The following RAB33A variants were observed in gnomAD, a reference collection of about 807,000 sequenced individuals.
The protein encoded by RAB33A is RAB33A, member RAS oncogene family.
RAB33A carries 6 observed loss-of-function variants against 12.0 expected under a neutral mutation model. That is an observed-to-expected ratio of 0.50 (90% CI 0.27 to 0.99). The LOEUF is 0.99. Ranked by LOEUF, RAB33A falls within the 50% of genes least tolerant of loss-of-function variation. The pLI is 0.11. For missense variants in RAB33A, 109 were observed against 192.0 expected, an observed-to-expected ratio of 0.57 and a Z score of 2.55; for synonymous variants, 70 against 82.4, an observed-to-expected ratio of 0.85 and a Z score of 0.81.
the RAB33A span, chrX:130,129,940 C>A: frequency 8.3e-7 from 1 of 1,206,713 alleles, no homozygotes; most frequent in Admixed American, 2.2e-5. Flanking sequence ...TACTTCCCAT[C>A]TTCCTCTAAG....
chrX:130,156,313 G>T, the RAB33A span: 1 of 651,429 alleles, frequency 1.5e-6, no homozygotes. Context: ...AAGATATTAG[G>T]CAGCAGGCAC....
chrX:130,114,668 G>A, the RAB33A span, among the ~76,000 whole-genome samples: 1 of 112,084 alleles, frequency 8.9e-6, no homozygotes, highest in Non-Finnish European at 1.9e-5. Flanking sequence ...GGGTGGTCTC[G>A]GGTCTCAAAA....
the RAB33A span, among the ~76,000 whole-genome samples, chrX:130,154,121 C>T: frequency 8.9e-6 from 1 of 112,430 alleles, no homozygotes; most frequent in Non-Finnish European, 1.9e-5. Flanking sequence ...ATCATTTAAC[C>T]TGGAACCACT....
chrX:130,182,191 T>C (rs1296333559), intron 1 of RAB33A, among the ~76,000 whole-genome samples: 2 of 79,533 alleles, frequency 2.5e-5, no homozygotes, highest in Admixed American at 1.5e-4. Context: ...TACACATATA[T>C]ATAACATATA....
At chrX:130,165,742 C>T in the RAB33A span, 1 of 783,186 alleles carries the variant, frequency 1.3e-6, no homozygotes, top group East Asian at 3.4e-5. Flanking sequence ...CCGGCCAGCT[C>T]CCCCAGTCTC....
chrX:130,126,007 G>A, the RAB33A span, among the ~76,000 whole-genome samples: 1 of 112,344 alleles, frequency 8.9e-6, no homozygotes, highest in Non-Finnish European at 1.9e-5. Flanking sequence ...ATCTGATACC[G>A]TTTATGAAAT....
upstream of RAB33A, chrX:130,171,895 A>ACG (rs1473413157): frequency 3.8e-5 from 20 of 525,195 alleles, no homozygotes; most frequent in South Asian, 4.3e-4. Flanking sequence ...CACCCCCTTC[A>ACG]CGCGCGCGCG....
chrX:130,136,908 G>A, the RAB33A span, among the ~76,000 whole-genome samples: 383 of 111,084 alleles, frequency 3.4e-3, 3 homozygotes, highest in African/African-American at 0.012. Flanking sequence ...AGGAATTTGG[G>A]GCATCTGATT....
At chrX:130,129,868 C>T in the RAB33A span, 1 of 1,030,684 alleles carries the variant, frequency 9.7e-7, no homozygotes, top group Admixed American at 2.2e-5. Context: ...CACAATTTGA[C>T]CTGGCCGGGG....
chrX:130,129,512 T>G, the RAB33A span: 3 of 1,127,622 alleles, frequency 2.7e-6, no homozygotes, highest in African/African-American at 5.4e-5. Flanking sequence ...CCATTCGACC[T>G]CCTCTCAGGG....
At chrX:130,136,625 T>A in the RAB33A span, 1 of 1,198,357 alleles carries the variant, frequency 8.3e-7, no homozygotes, top group East Asian at 3.0e-5. Context: ...CTTGGCAGAC[T>A]ATCTTTTCCT....
At chrX:130,183,876 GTCACGGC>G in intron 1 of RAB33A, among the ~76,000 whole-genome samples, 1 of 111,522 alleles carries the variant, frequency 9.0e-6, no homozygotes, top group Non-Finnish European at 1.9e-5. Context: ...CACTTCCTGT[GTCACGGC>G]TTGTCACTTT....
the RAB33A span, among the ~76,000 whole-genome samples, chrX:130,162,232 T>C: frequency 8.9e-6 from 1 of 112,085 alleles, no homozygotes; most frequent in African/African-American, 3.2e-5. Context: ...ATGAGCTTGA[T>C]ACAAATCACA....
At chrX:130,129,932 C>T in the RAB33A span, 1 of 1,197,477 alleles carries the variant, frequency 8.4e-7, no homozygotes, top group Admixed American at 2.2e-5. Context: ...CTAAGCCGTA[C>T]TTCCCATCTT....
At chrX:130,170,942 C>A (rs1453245468), upstream of RAB33A, among the ~76,000 whole-genome samples, 1 of 113,061 alleles carries the variant, frequency 8.8e-6, no homozygotes, top group African/African-American at 3.2e-5. Flanking sequence ...TAGCTTCCCC[C>A]CCTTCTCCTA....
the RAB33A span, among the ~76,000 whole-genome samples, chrX:130,138,241 G>A: frequency 1.8e-5 from 2 of 111,036 alleles, no homozygotes; most frequent in African/African-American, 3.3e-5. Context: ...CAAGGTGGGC[G>A]GATCACCAGG....
upstream of RAB33A, among the ~76,000 whole-genome samples, chrX:130,169,591 A>T: frequency 8.9e-6 from 1 of 111,970 alleles, no homozygotes; most frequent in Non-Finnish European, 1.9e-5. Context: ...AATTCCAAAA[A>T]ATATAAGTGG....
At chrX:130,132,230 CT>C in the RAB33A span, among the ~76,000 whole-genome samples, 3 of 112,331 alleles carry the variant, frequency 2.7e-5, no homozygotes, top group East Asian at 2.8e-4. Flanking sequence ...GAGATGCCAA[CT>C]GATCTGCTGT....
At chrX:130,132,180 ACT>A in the RAB33A span, among the ~76,000 whole-genome samples, 6 of 111,335 alleles carry the variant, frequency 5.4e-5, no homozygotes, top group Non-Finnish European at 9.4e-5. Flanking sequence ...CCAACACCGC[ACT>A]CTTATGCCAA....
Sources: gnomAD v4.1 joint callset for allele counts (sites outside exome capture counted in the v4.1 genomes callset) on GRCh38, gnomAD v4.1.1 for gene constraint, MANE v1.5 for transcripts, NCBI Gene and HGNC (gene_info 2026-07-23, HGNC 2026-07-21) for gene names.